Variants in DISP1 observed in about 807,000 individuals in gnomAD.
DISP1 encodes the protein protein dispatched homolog 1.
Under a neutral mutation model 37.3 loss-of-function variants are expected in DISP1, and 30 were observed. The ratio of observed to expected loss-of-function variants is 0.80; its 90% confidence interval spans 0.60 to 1.09. The LOEUF is 1.09. DISP1 is among the 50% of genes least tolerant of loss of function. The pLI is 0.00. For synonymous variants in DISP1, 634 were observed against 690.2 expected (o/e 0.92, Z 1.28); for missense variants, 1,598 against 1,879.5 (o/e 0.85, Z 2.77).
chr1:222,928,709 T>A (rs1483928405), intron 2 of DISP1, 139 bp downstream of exon 2: 2 of 152,350 alleles, frequency 1.3e-5, no homozygotes, highest in South Asian at 2.1e-4. Context: ...TTGTTTTTTT[T>A]TCAGTGTAAA....
At chr1:222,950,543 T>C (rs1367086879) in intron 3 of DISP1, among the ~76,000 whole-genome samples, 2 of 151,636 alleles carry the variant, frequency 1.3e-5, no homozygotes, top group Non-Finnish European at 2.9e-5. Context: ...GAGCTTGCAG[T>C]GATCTGAGAT....
intron 1 of DISP1, among the ~76,000 whole-genome samples, chr1:222,875,707 A>T (rs1669929688): frequency 2.0e-5 from 3 of 150,826 alleles, no homozygotes; most frequent in Admixed American, 1.3e-4. Context: ...CATGCCTGTA[A>T]TCCCAGCTAC....
chr1:222,956,076 T>C (rs1675573023), intron 3 of DISP1, among the ~76,000 whole-genome samples: 1 of 152,192 alleles, frequency 6.6e-6, no homozygotes, highest in East Asian at 1.9e-4. Context: ...GAAGCAAGGA[T>C]GGACAGTTAG....
chr1:222,993,934 A>G (rs1678877391), intron 7 of DISP1, among the ~76,000 whole-genome samples: 1 of 152,220 alleles, frequency 6.6e-6, no homozygotes, highest in East Asian at 1.9e-4. Context: ...ATGATCATAA[A>G]TAAAAACTTT....
At chr1:222,851,580 A>G (rs181053294) in intron 1 of DISP1, among the ~76,000 whole-genome samples, 1 of 152,332 alleles carries the variant, frequency 6.6e-6, no homozygotes, top group Non-Finnish European at 1.5e-5. Flanking sequence ...GTGGATTTGC[A>G]TCATAGTATT....
At chr1:222,955,762 G>C (rs1675549031) in intron 3 of DISP1, among the ~76,000 whole-genome samples, 1 of 152,218 alleles carries the variant, frequency 6.6e-6, no homozygotes, top group African/African-American at 2.4e-5. Flanking sequence ...CTGTAAAGGA[G>C]TCAGTAGCTT....
intron 3 of DISP1, among the ~76,000 whole-genome samples, chr1:222,964,604 G>T (rs1289649910): frequency 2.0e-5 from 3 of 152,196 alleles, no homozygotes; most frequent in Admixed American, 6.5e-5. Context: ...TAGGTGATGG[G>T]TCATAGGCTG....
chr1:222,936,791 T>TA (rs1673821052), intron 2 of DISP1, among the ~76,000 whole-genome samples: 1 of 64,400 alleles, frequency 1.6e-5, no homozygotes, highest in African/African-American at 5.9e-5. Flanking sequence ...ATATAATATA[T>TA]ATAATATATT....
At chr1:222,832,181 G>T (rs565068831) in intron 1 of DISP1, among the ~76,000 whole-genome samples, 2 of 152,274 alleles carry the variant, frequency 1.3e-5, no homozygotes, top group South Asian at 4.1e-4. Flanking sequence ...TGAGGCAGGA[G>T]AATCACTTGA....
At chr1:222,882,820 C>G (rs1015431403) in intron 1 of DISP1, among the ~76,000 whole-genome samples, 3 of 152,050 alleles carry the variant, frequency 2.0e-5, no homozygotes, top group Non-Finnish European at 4.4e-5. Context: ...TATTAAATAT[C>G]TGCAGAGTGT....
intron 3 of DISP1, among the ~76,000 whole-genome samples, chr1:222,948,409 G>C (rs1053219516): frequency 2.8e-4 from 42 of 152,194 alleles, no homozygotes; most frequent in Admixed American, 2.7e-3. Context: ...CTCTTCGATA[G>C]AGCTGCTATC....
At chr1:222,904,276 T>C (rs1261173766) in intron 1 of DISP1, among the ~76,000 whole-genome samples, 2 of 152,218 alleles carry the variant, frequency 1.3e-5, no homozygotes, top group Non-Finnish European at 2.9e-5. Flanking sequence ...GTAGAAAATA[T>C]ATTTGTGTGA....
chr1:222,955,039 C>A (rs959566099), intron 3 of DISP1, among the ~76,000 whole-genome samples: 1 of 150,998 alleles, frequency 6.6e-6, no homozygotes, highest in Non-Finnish European at 1.5e-5. Context: ...CTAGTTAGTC[C>A]AAGAAGATTG....
chr1:222,830,662 G>A (rs778500562), intron 1 of DISP1, among the ~76,000 whole-genome samples: 12 of 152,152 alleles, frequency 7.9e-5, no homozygotes, highest in Non-Finnish European at 1.6e-4. Flanking sequence ...GATTACAGGC[G>A]TGAGCCACTG....
At position 222,942,754 on chromosome 1, in the gene DISP1, A is replaced by G. The variant is rs1295189713; in HGVS notation, c.-17-53A>G. 6.3e-6 allele frequency: 10 copies of G among 1,596,788 alleles called. No individual in the cohort carries two copies. The Admixed American group carries it at 1.0e-4, about 16-fold the overall frequency. ...TTTAAATATCATACTTGTCTTTCCT[A>G]CATATTTGCCTGCCTGACTGTAACT... On this transcript the variant is annotated intron_variant, in intron 2 of 8. Coordinates refer to ENST00000675850, the MANE Select transcript of DISP1 (RefSeq NM_001377229.1).
At chr1:222,855,817 GGT>G (rs1280787924) in intron 1 of DISP1, among the ~76,000 whole-genome samples, 2 of 151,696 alleles carry the variant, frequency 1.3e-5, no homozygotes, top group African/African-American at 2.4e-5. Flanking sequence ...AAGCTATAGA[GGT>G]GTGTGATTTG....
intron 1 of DISP1, among the ~76,000 whole-genome samples, chr1:222,846,286 G>A (rs1438748938): frequency 6.6e-6 from 1 of 152,210 alleles, no homozygotes; most frequent in Non-Finnish European, 1.5e-5. Flanking sequence ...GAGGTCAGGA[G>A]TTCGAGACCA....
At chr1:222,974,117 A>T (rs888892085) in intron 3 of DISP1, among the ~76,000 whole-genome samples, 1 of 152,154 alleles carries the variant, frequency 6.6e-6, no homozygotes, top group South Asian at 2.1e-4. Context: ...TTTATGCTTT[A>T]CTCTAAATGA....
At chr1:222,907,951 A>G (rs1190166774) in intron 1 of DISP1, among the ~76,000 whole-genome samples, 4 of 152,180 alleles carry the variant, frequency 2.6e-5, no homozygotes, top group Non-Finnish European at 5.9e-5. Context: ...TCCATCTCAA[A>G]ATAAATAAAT....
Sources: allele counts gnomAD v4.1 joint callset (sites outside exome capture counted in the v4.1 genomes callset), GRCh38; gene constraint gnomAD v4.1.1; transcripts MANE v1.5; gene names NCBI Gene and HGNC (gene_info 2026-07-23, HGNC 2026-07-21).